PTPRT: variants seen among roughly 807,000 people sequenced by gnomAD.
PTPRT encodes the protein receptor-type tyrosine-protein phosphatase T.
PTPRT carries 56 observed loss-of-function variants against 176.8 expected under a neutral mutation model. The observed-to-expected ratio is 0.32, with a 90% confidence interval of 0.26 to 0.40. The LOEUF is 0.40. Ranked by LOEUF, PTPRT falls within the 10% of genes least tolerant of loss-of-function variation. The probability of loss-of-function intolerance (pLI) is 1.00; values close to 1 mark genes in which losing one functional copy is unlikely to be tolerated. For missense variants in PTPRT, 1,540 were observed against 1,908.2 expected, an observed-to-expected ratio of 0.81 and a Z score of 3.60; for synonymous variants, 783 against 739.0, an observed-to-expected ratio of 1.06 and a Z score of -0.96.
intron 9 of PTPRT, among the ~76,000 whole-genome samples, chr20:42,354,553 G>A (rs964451382): frequency 6.6e-6 from 1 of 152,196 alleles, no homozygotes; most frequent in Non-Finnish European, 1.5e-5. Context: ...CCTTCACAGT[G>A]TTTCCTGTGT....
chr20:42,444,400 C>T (rs990386647), intron 9 of PTPRT, among the ~76,000 whole-genome samples: 4 of 152,160 alleles, frequency 2.6e-5, no homozygotes, highest in Non-Finnish European at 5.9e-5. Context: ...CAGTCTGACA[C>T]CTTCATATTA....
chr20:42,292,685 G>A (rs2057335691), intron 12 of PTPRT, among the ~76,000 whole-genome samples: 1 of 152,148 alleles, frequency 6.6e-6, no homozygotes, highest in African/African-American at 2.4e-5. Context: ...TTGGGTTGCA[G>A]GCAGGCACAC....
chr20:43,035,988 C>T (rs1986361854), intron 1 of PTPRT, among the ~76,000 whole-genome samples: 2 of 152,184 alleles, frequency 1.3e-5, no homozygotes, highest in African/African-American at 4.8e-5. Context: ...AGCAATCACA[C>T]ACCAGTAACA....
chr20:42,416,336 C>T (rs1018137803), intron 9 of PTPRT, among the ~76,000 whole-genome samples: 8 of 152,066 alleles, frequency 5.3e-5, no homozygotes, highest in Non-Finnish European at 8.8e-5. Context: ...AAATCAAGCC[C>T]GCAAACACCT....
intron 7 of PTPRT, among the ~76,000 whole-genome samples, chr20:42,605,443 T>A (rs1345052842): frequency 6.6e-6 from 1 of 152,192 alleles, no homozygotes; most frequent in East Asian, 1.9e-4. Flanking sequence ...CTGGTGTTAA[T>A]TTACTCACTT....
intron 11 of PTPRT, among the ~76,000 whole-genome samples, chr20:42,326,964 A>C (rs554974121): frequency 2.7e-5 from 4 of 150,758 alleles, no homozygotes; most frequent in Admixed American, 2.6e-4. Flanking sequence ...AAAAAAAAAA[A>C]ACAACAAAGG....
intron 1 of PTPRT, among the ~76,000 whole-genome samples, chr20:42,923,140 T>G (rs1979265715): frequency 6.6e-6 from 1 of 152,122 alleles, no homozygotes; most frequent in South Asian, 2.1e-4. Flanking sequence ...CAGTCACACC[T>G]GCAGCATGTT....
At chr20:42,576,418 G>A (rs562484867) in intron 7 of PTPRT, among the ~76,000 whole-genome samples, 7 of 152,250 alleles carry the variant, frequency 4.6e-5, no homozygotes, top group Admixed American at 3.3e-4. Context: ...CTGGTGTTCC[G>A]TAAACAGCTG....
chr20:42,125,221 C>G (rs1987794473), intron 19 of PTPRT, among the ~76,000 whole-genome samples: 1 of 152,222 alleles, frequency 6.6e-6, no homozygotes, highest in African/African-American at 2.4e-5. Flanking sequence ...CCTGGGTACC[C>G]ACTTTGGGGA....
chr20:42,647,715 G>A (rs1335002228), intron 7 of PTPRT, among the ~76,000 whole-genome samples: 1 of 152,158 alleles, frequency 6.6e-6, no homozygotes, highest in African/African-American at 2.4e-5. Context: ...TGGAGGATGT[G>A]TCTGCATCTT....
chr20:43,102,094 G>A (rs554185950), intron 1 of PTPRT, among the ~76,000 whole-genome samples: 8 of 152,110 alleles, frequency 5.3e-5, no homozygotes, highest in Non-Finnish European at 1.2e-4. Context: ...CTTTTTAGAA[G>A]GGCACTAATC....
chr20:42,918,062 CT>C (rs768595844), intron 1 of PTPRT, among the ~76,000 whole-genome samples: 1 of 152,084 alleles, frequency 6.6e-6, no homozygotes, highest in Non-Finnish European at 1.5e-5. Flanking sequence ...CTCTGATCTG[CT>C]CTTTCATCTC....
intron 9 of PTPRT, among the ~76,000 whole-genome samples, chr20:42,426,229 A>G (rs2059162506): frequency 6.6e-6 from 1 of 151,946 alleles, no homozygotes. Context: ...CCTATCCTGT[A>G]CCCATATAAA....
At chr20:42,179,998 G>A (rs748534750) in intron 16 of PTPRT, among the ~76,000 whole-genome samples, 1 of 152,152 alleles carries the variant, frequency 6.6e-6, no homozygotes, top group African/African-American at 2.4e-5. Flanking sequence ...TCCTGGATGC[G>A]GTGGCTCCGG....
the PTPRT span, among the ~76,000 whole-genome samples, chr20:42,033,556 C>T: frequency 6.6e-6 from 1 of 152,084 alleles, no homozygotes; most frequent in African/African-American, 2.4e-5. Flanking sequence ...GTAAAAGGCT[C>T]CTACCCCACT....
At chr20:43,078,034 C>T (rs1168342907) in intron 1 of PTPRT, among the ~76,000 whole-genome samples, 1 of 152,136 alleles carries the variant, frequency 6.6e-6, no homozygotes, top group Non-Finnish European at 1.5e-5. Flanking sequence ...CATCACAGCA[C>T]CCAATGCCAT....
chr20:42,946,372 G>A (rs1980885279), intron 1 of PTPRT, among the ~76,000 whole-genome samples: 1 of 152,204 alleles, frequency 6.6e-6, no homozygotes, highest in Non-Finnish European at 1.5e-5. Context: ...TACTCACAAA[G>A]AGAAAGGAAA....
intron 9 of PTPRT, among the ~76,000 whole-genome samples, chr20:42,356,696 C>G (rs760214019): frequency 2.0e-5 from 3 of 152,012 alleles, no homozygotes; most frequent in Non-Finnish European, 4.4e-5. Flanking sequence ...AACTCCCTCT[C>G]AACAACAACA....
intron 27 of PTPRT, among the ~76,000 whole-genome samples, chr20:42,090,387 T>A (rs73271444): frequency 0.12 from 18,778 of 150,790 alleles, 3,083 homozygotes; most frequent in African/African-American, 0.38. Flanking sequence ...CATGTCAAAA[T>A]ACAGAGATCT....
Sources: allele counts gnomAD v4.1 joint callset (sites outside exome capture counted in the v4.1 genomes callset), GRCh38; gene constraint gnomAD v4.1.1; transcripts MANE v1.5; gene names NCBI Gene and HGNC (gene_info 2026-07-23, HGNC 2026-07-21).